BNC2: variants seen among roughly 807,000 people sequenced by gnomAD.
The protein encoded by BNC2 is zinc finger protein basonuclin-2.
Under a neutral mutation model 76.3 loss-of-function variants are expected in BNC2, and 20 were observed. The ratio of observed to expected loss-of-function variants is 0.26; its 90% CI spans 0.18 to 0.38. The LOEUF is 0.38. Among genes scored for constraint, BNC2 ranks in the 10% least tolerant of loss-of-function variants. The probability of loss-of-function intolerance (pLI) is 1.00; values close to 1 mark genes in which losing one functional copy is unlikely to be tolerated. For synonymous variants in BNC2, 582 were observed against 514.8 expected (o/e 1.13, Z -1.77); for missense variants, 1,382 against 1,399.8 (o/e 0.99, Z 0.20).
chr9:16,668,882 G>T (rs1049374675), intron 3 of BNC2, among the ~76,000 whole-genome samples: 2 of 152,016 alleles, frequency 1.3e-5, no homozygotes, highest in African/African-American at 4.8e-5. Context: ...TCTCTCCCAG[G>T]GTGAGCAAAT....
At chr9:16,851,851 C>G (rs1219377273) in intron 1 of BNC2, among the ~76,000 whole-genome samples, 1 of 152,170 alleles carries the variant, frequency 6.6e-6, no homozygotes, top group East Asian at 1.9e-4. Flanking sequence ...TCACATACTT[C>G]TCACACATAT....
chr9:16,600,905 G>A (rs1221704120), intron 3 of BNC2, among the ~76,000 whole-genome samples: 1 of 152,162 alleles, frequency 6.6e-6, no homozygotes, highest in Non-Finnish European at 1.5e-5. Context: ...ACAACAAAGG[G>A]TAGAAATGTA....
At chr9:16,726,558 TTAAAAA>T (rs1180691833) in intron 3 of BNC2, among the ~76,000 whole-genome samples, 12 of 103,204 alleles carry the variant, frequency 1.2e-4, no homozygotes, top group African/African-American at 5.6e-4. Context: ...CAAAAGCTTT[TTAAAAA>T]AAAAAAAAAA....
In BNC2 at chr9:16,416,316, T is replaced by C. The variant is rs966575477; in HGVS notation, c.*2673A>G. ...GAGTTTCTATAATGTTTTGTTGGGA[T>C]ATTAAAAATCTTTTCCCACCCTTTT... On this transcript the variant is annotated 3_prime_UTR_variant, in exon 7 of 7. Coordinates refer to ENST00000380672, the MANE Select transcript of BNC2 (RefSeq NM_017637.6). 5.9e-5 allele frequency: 9 copies of C among 152,650 alleles called. No homozygotes were observed. The highest frequency in any genetic ancestry group is 1.2e-4 in the African/African-American group (5 of 41,466). The allele number at this position is 152,650 out of a possible 1,614,324, so 9.5% of individuals were successfully genotyped here.
intron 5 of BNC2, among the ~76,000 whole-genome samples, chr9:16,536,538 TA>T (rs1472159309): frequency 6.6e-6 from 1 of 152,154 alleles, no homozygotes; most frequent in East Asian, 1.9e-4. Flanking sequence ...TTTCTTTTCA[TA>T]AATTGGACAG....
At chr9:16,609,455 G>C (rs140071393) in intron 3 of BNC2, among the ~76,000 whole-genome samples, 7 of 152,204 alleles carry the variant, frequency 4.6e-5, no homozygotes, top group African/African-American at 1.7e-4. Flanking sequence ...AGCTGCTCCA[G>C]GACAACAAAA....
At chr9:16,439,820 T>A (rs1045574727) in intron 5 of BNC2, among the ~76,000 whole-genome samples, 3 of 152,236 alleles carry the variant, frequency 2.0e-5, no homozygotes, top group Non-Finnish European at 4.4e-5. Context: ...TACGTGCATG[T>A]GGGTGTCCAT....
At chr9:16,779,838 G>A (rs535133012) in intron 1 of BNC2, among the ~76,000 whole-genome samples, 134 of 152,310 alleles carry the variant, frequency 8.8e-4, no homozygotes, top group Middle Eastern at 3.4e-3. Flanking sequence ...TGGCAGTGTT[G>A]TGGGGGGGCC....
At chr9:16,858,143 T>A (rs924435208) in intron 1 of BNC2, among the ~76,000 whole-genome samples, 1 of 152,222 alleles carries the variant, frequency 6.6e-6, no homozygotes, top group Non-Finnish European at 1.5e-5. Context: ...CATGACGGGA[T>A]GTCTAGGAAG....
At chr9:16,820,897 CAATGAT>C (rs1490355723) in intron 1 of BNC2, among the ~76,000 whole-genome samples, 2 of 151,838 alleles carry the variant, frequency 1.3e-5, no homozygotes, top group African/African-American at 4.8e-5. Context: ...CTAACCAGGG[CAATGAT>C]GGCTTAAAAG....
intron 5 of BNC2, among the ~76,000 whole-genome samples, chr9:16,496,964 C>T (rs1177719946): frequency 6.6e-6 from 1 of 152,236 alleles, no homozygotes; most frequent in African/African-American, 2.4e-5. Flanking sequence ...AGTACTACTA[C>T]CATCATCAAC....
chr9:16,664,777 G>T (rs1822219128), intron 3 of BNC2, among the ~76,000 whole-genome samples: 1 of 152,032 alleles, frequency 6.6e-6, no homozygotes, highest in African/African-American at 2.4e-5. Context: ...AGAAGGTTTT[G>T]TTGTCCTCAG....
chr9:16,500,382 G>T (rs1822492596), intron 5 of BNC2, among the ~76,000 whole-genome samples: 1 of 152,062 alleles, frequency 6.6e-6, no homozygotes, highest in South Asian at 2.1e-4. Context: ...TTTTCTAAAT[G>T]TATAGCACTT....
chr9:16,663,130 CTTTT>C lies in BNC2; in HGVS notation c.330+64663_330+64666del, dbSNP rs71325979. 9.1e-3 allele frequency among the ~76,000 whole-genome samples: 910 copies of C among 99,628 alleles called. 31 individuals are homozygous for C. The highest frequency in any genetic ancestry group is 0.032 in the African/African-American group (881 of 27,968). The allele number at this position is 99,628 out of a possible 152,430, so 65.4% of individuals were successfully genotyped here. On this transcript the variant is annotated intron_variant, in intron 3 of 6. Coordinates refer to ENST00000380672, the MANE Select transcript of BNC2 (RefSeq NM_017637.6). ...CCATAGGCACTCCACTCTGTTTACT[CTTTT>C]TTTTTTTTTTTTGGAGACGGAGTCT...
intron 3 of BNC2, among the ~76,000 whole-genome samples, chr9:16,712,758 T>C (rs930622512): frequency 2.5e-4 from 38 of 152,194 alleles, no homozygotes; most frequent in Non-Finnish European, 1.5e-5. Flanking sequence ...ATAGATAATT[T>C]GGTATTCTGG....
intron 3 of BNC2, among the ~76,000 whole-genome samples, chr9:16,628,006 C>T (rs1055252881): frequency 6.6e-6 from 1 of 152,124 alleles, no homozygotes; most frequent in African/African-American, 2.4e-5. Context: ...CGGGTTCAGG[C>T]CAATCCTTAA....
chr9:16,533,691 T>C (rs1041771836), intron 5 of BNC2, among the ~76,000 whole-genome samples: 1 of 152,308 alleles, frequency 6.6e-6, no homozygotes, highest in East Asian at 1.9e-4. Context: ...TTTATAAACT[T>C]AAAACAAACA....
intron 5 of BNC2, among the ~76,000 whole-genome samples, chr9:16,535,412 A>G (rs1428237826): frequency 6.6e-6 from 1 of 152,182 alleles, no homozygotes; most frequent in Non-Finnish European, 1.5e-5. Context: ...TAGGTCTACA[A>G]CCTTACCAGT....
chr9:16,552,795 T>C lies in BNC2; in HGVS notation c.434-30A>G, dbSNP rs768742129. On this transcript the variant is annotated intron_variant, in intron 4 of 6. Transcript: ENST00000380672. ...GGTGGTCCCGCCAAAGTTCCAGAGA[T>C]GGGGGTGTTGGGAATAAGATAAAGA... 9 of 1,543,828 alleles carry C rather than the reference T, an allele frequency of 5.8e-6. No individual in the cohort carries two copies. The Admixed American group carries it at 1.2e-4, about 20-fold the overall frequency.
Sources: gnomAD v4.1 joint callset for allele counts (sites outside exome capture counted in the v4.1 genomes callset) on GRCh38, gnomAD v4.1.1 for gene constraint, MANE v1.5 for transcripts, NCBI Gene and HGNC (gene_info 2026-07-23, HGNC 2026-07-21) for gene names.